PRKCI: variants seen among roughly 807,000 people sequenced by gnomAD.
PRKCI encodes the protein protein kinase C iota.
PRKCI carries 43 observed loss-of-function variants against 84.0 expected under a neutral mutation model. The observed-to-expected ratio is 0.51, with a 90% confidence interval of 0.40 to 0.66. The LOEUF is 0.66. Ranked by LOEUF, PRKCI falls within the 30% of genes least tolerant of loss-of-function variation. The pLI is 0.00. For synonymous variants in PRKCI, 216 were observed against 234.4 expected (o/e 0.92, Z 0.72); for missense variants, 459 against 745.6 (o/e 0.62, Z 4.48).
At chr3:170,302,931 T>G (rs776675363) in intron 17 of PRKCI, 109 bp from the exon 18 acceptor site, 1 of 660,220 alleles carries the variant, frequency 1.5e-6, no homozygotes, top group Non-Finnish European at 2.3e-6. Flanking sequence ...TTTATAGATT[T>G]CCTTTCAGTA....
chr3:170,267,517 T>C (rs1031601371), intron 4 of PRKCI, among the ~76,000 whole-genome samples: 1 of 151,806 alleles, frequency 6.6e-6, no homozygotes, highest in Non-Finnish European at 1.5e-5. Context: ...CTACTAAGAA[T>C]ACAAAATTAG....
At chr3:170,268,102 T>C in intron 5 of PRKCI, 102 bp downstream of exon 5, 1 of 896,732 alleles carries the variant, frequency 1.1e-6, no homozygotes, top group Non-Finnish European at 1.7e-6. Context: ...TATACACTTT[T>C]AAATACATAA....
chr3:170,275,730 A>G (rs1734098311), intron 8 of PRKCI, among the ~76,000 whole-genome samples: 1 of 152,156 alleles, frequency 6.6e-6, no homozygotes. Flanking sequence ...TAAAATAATA[A>G]TCAGTTTTTT....
At chr3:170,301,010 G>A (rs958498097) in intron 17 of PRKCI, among the ~76,000 whole-genome samples, 1 of 152,142 alleles carries the variant, frequency 6.6e-6, no homozygotes, top group African/African-American at 2.4e-5. Flanking sequence ...ATTTCAGCCA[G>A]CCCTGTAGCA....
intron 11 of PRKCI, 137 bp from the exon 12 acceptor site, chr3:170,284,324 C>A (rs1734322018): frequency 1.6e-5 from 11 of 691,476 alleles, no homozygotes; most frequent in Non-Finnish European, 2.1e-5. Flanking sequence ...AGTGGTACTT[C>A]AGTTCATTTT....
chr3:170,253,693 A>C (rs1733509420), intron 2 of PRKCI, among the ~76,000 whole-genome samples: 1 of 152,174 alleles, frequency 6.6e-6, no homozygotes, highest in South Asian at 2.1e-4. Context: ...CAGGAGGCTG[A>C]GGCAAGAGAA....
intron 2 of PRKCI, among the ~76,000 whole-genome samples, chr3:170,241,146 GTAAT>G (rs1327430324): frequency 6.6e-6 from 1 of 152,030 alleles, no homozygotes; most frequent in Admixed American, 6.6e-5. Flanking sequence ...AAAAATCAGG[GTAAT>G]TAACACATCT....
At chr3:170,284,434 A>G (rs766354259) in intron 11 of PRKCI, 27 bp from the exon 12 acceptor site, 27 of 1,510,164 alleles carry the variant, frequency 1.8e-5, no homozygotes, top group Non-Finnish European at 2.4e-5. Context: ...GGTTGAATCA[A>G]ATGACTTATT....
At chr3:170,266,285 A>G (rs1733854894) in intron 4 of PRKCI, among the ~76,000 whole-genome samples, 1 of 152,176 alleles carries the variant, frequency 6.6e-6, no homozygotes, top group African/African-American at 2.4e-5. Flanking sequence ...ACAAAATATC[A>G]CTTTACAGAT....
intron 3 of PRKCI, among the ~76,000 whole-genome samples, chr3:170,263,168 CAAA>C (rs10592710): frequency 2.2e-4 from 31 of 142,632 alleles, no homozygotes; most frequent in Non-Finnish European, 2.2e-4. Flanking sequence ...AACTCTGTCT[CAAA>C]AAAAAAAAAA....
intron 12 of PRKCI, among the ~76,000 whole-genome samples, chr3:170,288,107 G>A (rs866090543): frequency 3.3e-5 from 5 of 151,662 alleles, no homozygotes; most frequent in Non-Finnish European, 7.4e-5. Context: ...TTAGCCAGGC[G>A]TGGTGGCGGA....
intron 5 of PRKCI, 92 bp from the exon 6 acceptor site, chr3:170,270,329 C>A: frequency 1.6e-6 from 2 of 1,246,602 alleles, no homozygotes; most frequent in Non-Finnish European, 2.2e-6. Context: ...TGACAGTTGA[C>A]ACCGTGACAA....
chr3:170,284,729 C>T, intron 12 of PRKCI, 133 bp downstream of exon 12: 1 of 1,101,218 alleles, frequency 9.1e-7, no homozygotes, highest in East Asian at 2.7e-5. Flanking sequence ...AATTCTAGCA[C>T]AAAGACAAAT....
intron 2 of PRKCI, among the ~76,000 whole-genome samples, chr3:170,240,162 CA>C (rs943773560): frequency 7.3e-5 from 11 of 150,400 alleles, no homozygotes; most frequent in African/African-American, 2.4e-4. Flanking sequence ...ACCCTGTTTC[CA>C]AAAAAAAGAT....
chr3:170,275,360 A>T, intron 8 of PRKCI, 73 bp downstream of exon 8: 2 of 1,414,700 alleles, frequency 1.4e-6, no homozygotes, highest in Non-Finnish European at 1.9e-6. Context: ...AAAGTATGAC[A>T]TATTGACCTG....
At chr3:170,253,285 T>C (rs114297353) in intron 2 of PRKCI, among the ~76,000 whole-genome samples, 11,070 of 152,266 alleles carry the variant, frequency 0.073, 560 homozygotes, top group Non-Finnish European at 0.098. Flanking sequence ...ATAGTGACTG[T>C]ACTAAAGTAC....
intron 15 of PRKCI, among the ~76,000 whole-genome samples, chr3:170,296,672 A>G (rs1734691680): frequency 6.6e-6 from 1 of 152,202 alleles, no homozygotes; most frequent in Non-Finnish European, 1.5e-5. Context: ...TAAAAAATGA[A>G]CAATTTATGT....
chr3:170,222,911 T>G, intron 1 of PRKCI, 141 bp downstream of exon 1: 9 of 655,602 alleles, frequency 1.4e-5, no homozygotes, highest in Admixed American at 6.0e-5. Flanking sequence ...TCAGGGTGAG[T>G]GACGAAGTGA....
intron 12 of PRKCI, among the ~76,000 whole-genome samples, chr3:170,285,916 A>ATTT (rs553916153): frequency 0.017 from 2,235 of 131,458 alleles, 34 homozygotes; most frequent in East Asian, 0.084. Context: ...GCTAATTTTA[A>ATTT]TTTTTTTTTT....
Sources: gnomAD v4.1 joint callset for allele counts (sites outside exome capture counted in the v4.1 genomes callset) on GRCh38, gnomAD v4.1.1 for gene constraint, MANE v1.5 for transcripts, NCBI Gene and HGNC (gene_info 2026-07-23, HGNC 2026-07-21) for gene names.